Variants in BANK1 observed in about 807,000 individuals in gnomAD.
BANK1 encodes B-cell scaffold protein with ankyrin repeats.
BANK1 carries 95 observed loss-of-function variants against 94.5 expected under a neutral mutation model. The ratio of observed to expected loss-of-function variants is 1.00; its 90% CI spans 0.85 to 1.19. The LOEUF (loss-of-function observed/expected upper bound fraction) is 1.19. Among genes scored for constraint, BANK1 ranks in the 50% most tolerant of loss-of-function variants. BANK1 has a pLI of 0.00. For synonymous variants in BANK1, 334 were observed against 308.4 expected (o/e 1.08, Z -0.87); for missense variants, 987 against 932.2 (o/e 1.06, Z -0.77).
At chr4:101,970,908 G>T (rs1269812500) in intron 7 of BANK1, among the ~76,000 whole-genome samples, 2 of 152,054 alleles carry the variant, frequency 1.3e-5, no homozygotes, top group African/African-American at 4.8e-5. Context: ...TGTTTAGCAG[G>T]ATTCTAAACA....
chr4:101,975,698 C>A (rs1349297190), intron 7 of BANK1, among the ~76,000 whole-genome samples: 1 of 152,100 alleles, frequency 6.6e-6, no homozygotes, highest in African/African-American at 2.4e-5. Flanking sequence ...GAATTATTAT[C>A]ATTTGTTTTA....
chr4:102,023,668 G>A (rs561013394), intron 8 of BANK1, among the ~76,000 whole-genome samples: 5 of 152,214 alleles, frequency 3.3e-5, no homozygotes, highest in South Asian at 2.1e-4. Context: ...CTGACTTTCC[G>A]GGGCTGAAAC....
At chr4:102,049,402 C>A (rs1359731696) in intron 11 of BANK1, among the ~76,000 whole-genome samples, 1 of 152,150 alleles carries the variant, frequency 6.6e-6, no homozygotes, top group Non-Finnish European at 1.5e-5. Flanking sequence ...AGGGCCTTTT[C>A]TATCTATATC....
chr4:102,044,268 G>A (rs964163059), intron 11 of BANK1, among the ~76,000 whole-genome samples: 1 of 152,082 alleles, frequency 6.6e-6, no homozygotes. Flanking sequence ...ACCTATGAGT[G>A]AGAACATGCG....
chr4:102,057,057 T>C (rs1728249487), intron 11 of BANK1, among the ~76,000 whole-genome samples: 1 of 151,960 alleles, frequency 6.6e-6, no homozygotes, highest in Non-Finnish European at 1.5e-5. Context: ...TCTCAAAGAA[T>C]ATATGCAACC....
At chr4:101,892,661 A>T (rs1401726722) in intron 5 of BANK1, among the ~76,000 whole-genome samples, 1 of 151,818 alleles carries the variant, frequency 6.6e-6, no homozygotes, top group African/African-American at 2.4e-5. Flanking sequence ...TCTTAGGATA[A>T]ATGTGATTTT....
intron 1 of BANK1, among the ~76,000 whole-genome samples, chr4:101,814,503 T>C (rs1725834732): frequency 6.6e-6 from 1 of 152,218 alleles, no homozygotes; most frequent in Non-Finnish European, 1.5e-5. Flanking sequence ...GATTTGCTGG[T>C]GAAACTAAAG....
intron 7 of BANK1, among the ~76,000 whole-genome samples, chr4:101,959,961 C>A (rs1350164818): frequency 6.6e-6 from 1 of 152,168 alleles, no homozygotes; most frequent in East Asian, 1.9e-4. Flanking sequence ...CATCCTCAAG[C>A]GTCAGGATTC....
intron 5 of BANK1, among the ~76,000 whole-genome samples, chr4:101,889,881 A>C (rs1721786875): frequency 6.6e-6 from 1 of 152,008 alleles, no homozygotes; most frequent in Admixed American, 6.5e-5. Context: ...CATTCAGTTT[A>C]ATGTATTTTT....
At chr4:101,807,504 C>T (rs1159114809) in intron 1 of BANK1, among the ~76,000 whole-genome samples, 1 of 152,134 alleles carries the variant, frequency 6.6e-6, no homozygotes, top group African/African-American at 2.4e-5. Flanking sequence ...TAAAAAGAAA[C>T]TGACTTTCTC....
chr4:101,984,114 C>A (rs890524324), intron 7 of BANK1, among the ~76,000 whole-genome samples: 1 of 151,878 alleles, frequency 6.6e-6, no homozygotes, highest in African/African-American at 2.4e-5. Context: ...TTACAAGAAA[C>A]TAAACATTTA....
chr4:102,012,692 T>G (rs1165731570), intron 7 of BANK1, among the ~76,000 whole-genome samples: 1 of 152,160 alleles, frequency 6.6e-6, no homozygotes, highest in African/African-American at 2.4e-5. Context: ...CCTCTGTGTT[T>G]AGATAAATGC....
At chr4:101,819,929 A>T (rs1726075311) in intron 1 of BANK1, among the ~76,000 whole-genome samples, 1 of 152,196 alleles carries the variant, frequency 6.6e-6, no homozygotes, top group African/African-American at 2.4e-5. Context: ...AAAGAAGAGG[A>T]GAAGGATAAG....
intron 2 of BANK1, among the ~76,000 whole-genome samples, chr4:101,854,288 A>G (rs1727600363): frequency 6.6e-6 from 1 of 152,198 alleles, no homozygotes; most frequent in African/African-American, 2.4e-5. Context: ...TAATAATAAA[A>G]CATGATCTAT....
At chr4:101,905,046 C>T (rs1430107104) in intron 6 of BANK1, among the ~76,000 whole-genome samples, 6 of 152,180 alleles carry the variant, frequency 3.9e-5, no homozygotes, top group African/African-American at 9.7e-5. Flanking sequence ...TTTAATTTCA[C>T]TTTTTCCCAT....
chr4:101,791,079 T>C, intron 1 of BANK1, 129 bp downstream of exon 1: 1 of 738,406 alleles, frequency 1.4e-6, no homozygotes, highest in Non-Finnish European at 2.1e-6. Context: ...ACAGGGCTTC[T>C]CCTTTTTATC....
intron 7 of BANK1, among the ~76,000 whole-genome samples, chr4:101,921,488 G>A (rs1251951878): frequency 6.6e-6 from 1 of 151,936 alleles, no homozygotes; most frequent in Non-Finnish European, 1.5e-5. Flanking sequence ...AGATTGAGGT[G>A]CTTTGAGATT....
chr4:102,051,359 T>C (rs1560709479), intron 11 of BANK1, among the ~76,000 whole-genome samples: 1 of 152,216 alleles, frequency 6.6e-6, no homozygotes, highest in Non-Finnish European at 1.5e-5. Flanking sequence ...TTTTTGTTGT[T>C]GTTAAAGTCA....
intron 7 of BANK1, among the ~76,000 whole-genome samples, chr4:101,999,448 G>A (rs534141910): frequency 6.6e-6 from 1 of 152,254 alleles, no homozygotes; most frequent in African/African-American, 2.4e-5. Flanking sequence ...AAGCACTGAT[G>A]CATCAGCAAA....
Sources: gnomAD v4.1 joint callset for allele counts (sites outside exome capture counted in the v4.1 genomes callset) on GRCh38, gnomAD v4.1.1 for gene constraint, MANE v1.5 for transcripts, NCBI Gene and HGNC (gene_info 2026-07-23, HGNC 2026-07-21) for gene names.